Variants in TMEM45A observed in about 807,000 individuals in gnomAD.
TMEM45A encodes the protein transmembrane protein 45A.
Under a neutral mutation model 32.0 loss-of-function variants are expected in TMEM45A, and 25 were observed. The observed-to-expected ratio is 0.78, with a 90% CI of 0.57 to 1.09. The LOEUF (loss-of-function observed/expected upper bound fraction) is 1.09, where lower values mean the gene tolerates loss of function less well. Among genes scored for constraint, TMEM45A ranks in the 50% least tolerant of loss-of-function variants. TMEM45A has a pLI of 0.00. For missense variants in TMEM45A, 302 were observed against 325.0 expected (o/e 0.93, Z 0.54); for synonymous variants, 122 against 114.8 (o/e 1.06, Z -0.40).
intron 1 of TMEM45A, among the ~76,000 whole-genome samples, 192 bp downstream of exon 1, chr3:100,493,120 C>CATTTTTTTTTTTTTTTTTTT (rs1559630375): frequency 8.6e-6 from 1 of 115,918 alleles, no homozygotes. Flanking sequence ...GTTTGCTATT[C>CATTTTTTTTTTTTTTTTTTT]TTTTTTTTTT....
At chr3:100,520,553 A>T (rs1026094645) in intron 1 of TMEM45A, among the ~76,000 whole-genome samples, 1 of 152,060 alleles carries the variant, frequency 6.6e-6, no homozygotes, top group Non-Finnish European at 1.5e-5. Context: ...GGCCTTATAC[A>T]TTGGGTACCT....
At chr3:100,552,527 A>C (rs756566913) in intron 1 of TMEM45A, among the ~76,000 whole-genome samples, 1 of 152,212 alleles carries the variant, frequency 6.6e-6, no homozygotes, top group Non-Finnish European at 1.5e-5. Flanking sequence ...GAAAGAGCCA[A>C]ACTCTAGGAT....
chr3:100,524,417 A>G (rs1181358845), intron 1 of TMEM45A, among the ~76,000 whole-genome samples: 1 of 152,058 alleles, frequency 6.6e-6, no homozygotes, highest in Admixed American at 6.5e-5. Flanking sequence ...TTTCCTTCCC[A>G]TGTATCTTTT....
chr3:100,503,254 C>A (rs975917616), intron 1 of TMEM45A, among the ~76,000 whole-genome samples: 4 of 152,092 alleles, frequency 2.6e-5, no homozygotes, highest in Admixed American at 2.6e-4. Flanking sequence ...TATAGGCACA[C>A]ACCACCACAC....
chr3:100,511,761 A>G (rs1708166558), intron 1 of TMEM45A, among the ~76,000 whole-genome samples: 1 of 152,110 alleles, frequency 6.6e-6, no homozygotes. Flanking sequence ...TAGGCTCAAA[A>G]TAAAAGGATG....
rs780009246 is a variant in TMEM45A, at chr3:100,567,518, C to CAAAAAAAAA, written c.589-1289_589-1281dup. Among the ~76,000 whole-genome samples, 61 of 63,474 alleles carry CAAAAAAAAA rather than the reference C, an allele frequency of 9.6e-4. 1 individual carries two copies. The highest frequency in any genetic ancestry group is 1.5e-3 in the Non-Finnish European group (49 of 33,572). The allele number at this position is 63,474 out of a possible 152,430, so 41.6% of individuals were successfully genotyped here. ...ACAGGATCAGCTTTTACCATTTCTG[C>CAAAAAAAAA]AAAAAAAAAAAAAAAAAAAAAAAGA... On this transcript the variant is annotated intron_variant, in intron 4 of 5. Coordinates refer to ENST00000323523, the MANE Select transcript of TMEM45A (RefSeq NM_018004.3).
intron 1 of TMEM45A, among the ~76,000 whole-genome samples, chr3:100,538,193 G>A (rs902818950): frequency 4.6e-5 from 7 of 152,126 alleles, no homozygotes; most frequent in African/African-American, 1.7e-4. Flanking sequence ...GGCTCTCAGA[G>A]GCAGAGAGAT....
At chr3:100,513,154 C>T (rs1269855326) in intron 1 of TMEM45A, among the ~76,000 whole-genome samples, 2 of 148,318 alleles carry the variant, frequency 1.3e-5, no homozygotes, top group African/African-American at 5.1e-5. Context: ...ATACCAAAGC[C>T]TGGCAGAGAC....
chr3:100,536,325 C>T (rs1047649323), intron 1 of TMEM45A, among the ~76,000 whole-genome samples: 4 of 152,064 alleles, frequency 2.6e-5, no homozygotes, highest in African/African-American at 9.7e-5. Flanking sequence ...CTAGGTGGCC[C>T]ATGAGAGTCT....
intron 1 of TMEM45A, among the ~76,000 whole-genome samples, chr3:100,504,828 C>A (rs774488205): frequency 2.0e-5 from 3 of 152,186 alleles, no homozygotes; most frequent in African/African-American, 4.8e-5. Context: ...TCTGAATGAG[C>A]AAGATGACCA....
intron 1 of TMEM45A, among the ~76,000 whole-genome samples, chr3:100,499,237 T>C (rs533456201): frequency 2.5e-4 from 38 of 152,342 alleles, no homozygotes; most frequent in Non-Finnish European, 3.8e-4. Context: ...TTGCCTGCAC[T>C]TTTGGTGTCA....
intron 1 of TMEM45A, among the ~76,000 whole-genome samples, chr3:100,504,071 C>T (rs889514787): frequency 2.0e-5 from 3 of 152,128 alleles, no homozygotes; most frequent in African/African-American, 4.8e-5. Flanking sequence ...CCAGCTTCCT[C>T]TTACTGTCCA....
At chr3:100,530,132 G>A (rs1292215332) in intron 1 of TMEM45A, among the ~76,000 whole-genome samples, 1 of 152,120 alleles carries the variant, frequency 6.6e-6, no homozygotes, top group Admixed American at 6.5e-5. Context: ...TGCCAACTTT[G>A]TTTTATCTAT....
intron 1 of TMEM45A, among the ~76,000 whole-genome samples, chr3:100,509,951 A>G (rs954681202): frequency 3.9e-5 from 6 of 152,232 alleles, no homozygotes; most frequent in African/African-American, 1.4e-4. Flanking sequence ...TATCCCACGC[A>G]TGGCTCGGAG....
At chr3:100,574,251 A>G (rs1706635397) in intron 5 of TMEM45A, 1 of 152,220 alleles carries the variant, frequency 6.6e-6, no homozygotes, top group Non-Finnish European at 1.5e-5. Flanking sequence ...ATAGACTGCT[A>G]GCAAGACTAA....
chr3:100,526,635 A>G (rs1375179801), intron 1 of TMEM45A, among the ~76,000 whole-genome samples: 1 of 152,222 alleles, frequency 6.6e-6, no homozygotes, highest in Non-Finnish European at 1.5e-5. Context: ...AGTACTGCAG[A>G]TAGACTTAAG....
rs560909836 is a variant in TMEM45A, at chr3:100,514,665, A to G, written c.-4+21737A>G. 5.3e-5 allele frequency among the ~76,000 whole-genome samples: 8 copies of G among 152,362 alleles called. No homozygotes were observed. In the East Asian group the frequency reaches 7.7e-4, roughly 15 times the overall value. ...CTAAAGAGCTTGTGCACAGCAAAAC[A>G]AACTACCATCAGAGTGAACAGGCAA... On this transcript the variant is annotated intron_variant, in intron 1 of 5. Transcript: ENST00000323523.
At chr3:100,555,008 G>A (rs1246157363) in intron 1 of TMEM45A, among the ~76,000 whole-genome samples, 1 of 152,124 alleles carries the variant, frequency 6.6e-6, no homozygotes, top group East Asian at 1.9e-4. Context: ...ACAAATGTGA[G>A]TTTTTATTTT....
Position 100,577,001 on chromosome 3 carries a change from T to C in TMEM45A, c.811T>C (p.Ser271Pro). The change falls in exon 6 of 6, where the codon TCA (serine) becomes CCA (proline). Residue 271 changes from serine to proline, a missense_variant. Physicochemically the swap from Ser to Pro is moderately conservative, Grantham distance 74 (BLOSUM62 -1). Transcript: ENST00000323523. Reference protein sequence around the residue: ...LLKNAEREQESEEEM With the variant: ...LLKNAEREQEPEEEM ...GAAAAATGCTGAACGAGAACAAGAA[T>C]CAGAAGAAGAAATGTGACTTTGATG... The C allele has an allele frequency of 6.2e-7, 1 of 1,613,206 alleles. No individual in the cohort carries two copies. Among genetic ancestry groups the C allele is most frequent in the Non-Finnish European group, 8.5e-7 (1 of 1,179,784 alleles).
Sources: allele counts gnomAD v4.1 joint callset (sites outside exome capture counted in the v4.1 genomes callset), GRCh38; gene constraint gnomAD v4.1.1; transcripts MANE v1.5; gene names NCBI Gene and HGNC (gene_info 2026-07-23, HGNC 2026-07-21).